Variants in TBC1D1 observed in about 807,000 individuals in gnomAD.
The protein encoded by TBC1D1 is TBC1 (tre-2/USP6, BUB2, cdc16) domain family, member 1.
TBC1D1 carries 89 observed loss-of-function variants against 125.6 expected under a neutral mutation model. The ratio of observed to expected loss-of-function variants is 0.71; its 90% CI spans 0.60 to 0.85. The LOEUF is 0.85. Ranked by LOEUF, TBC1D1 falls within the 40% of genes least tolerant of loss-of-function variation. TBC1D1 has a pLI of 0.00. For missense variants in TBC1D1, 1,377 were observed against 1,469.2 expected, an observed-to-expected ratio of 0.94 and a Z score of 1.03; for synonymous variants, 565 against 564.1, an observed-to-expected ratio of 1.00 and a Z score of -0.02.
chr4:37,932,571 A>G (rs756878095), intron 2 of TBC1D1, among the ~76,000 whole-genome samples: 46 of 152,186 alleles, frequency 3.0e-4, no homozygotes, highest in Non-Finnish European at 5.7e-4. Flanking sequence ...ATTTCTTCTG[A>G]ATTGTGTCAT....
Position 37,977,720 on chromosome 4 carries a change from G to A in TBC1D1, c.418-36789G>A, listed in dbSNP as rs985758364. Among the ~76,000 whole-genome samples, 2 of 152,134 alleles carry A rather than the reference G, an allele frequency of 1.3e-5. No homozygotes were observed. Among genetic ancestry groups the A allele is most frequent in the African/African-American group, 4.8e-5 (2 of 41,452 alleles). On this transcript the variant is annotated intron_variant, in intron 2 of 19. Coordinates refer to ENST00000261439, the MANE Select transcript of TBC1D1 (RefSeq NM_015173.4). The surrounding 1 kb of genome is among the most constrained non-coding windows in gnomAD (Gnocchi z 4.3). ...TTAGTCTCCCAGATCCCTGTGGGGAGGACGGGCGAGGTAGCGGCGCCCATT... is the reference window on the plus strand; with the variant it reads ...TTAGTCTCCCAGATCCCTGTGGGGAAGACGGGCGAGGTAGCGGCGCCCATT...
At chr4:38,048,556 T>C (rs1578422395) in intron 10 of TBC1D1, among the ~76,000 whole-genome samples, 1 of 150,964 alleles carries the variant, frequency 6.6e-6, no homozygotes, top group African/African-American at 2.4e-5. Flanking sequence ...TTTTTTTTTT[T>C]CAAATTAAAA....
intron 7 of TBC1D1, 122 bp downstream of exon 7, chr4:38,028,001 G>T (rs760694993): frequency 2.0e-4 from 128 of 639,606 alleles, no homozygotes; most frequent in Non-Finnish European, 2.6e-4. Context: ...CCTTGAGTTC[G>T]TCTTGGTTTC....
At chr4:38,005,553 C>A (rs1236354885) in intron 2 of TBC1D1, among the ~76,000 whole-genome samples, 1 of 152,204 alleles carries the variant, frequency 6.6e-6, no homozygotes, top group Non-Finnish European at 1.5e-5. Context: ...GTGCAGCCTC[C>A]TGGGGGATAT....
chr4:38,120,649 G>T (rs1416364558), intron 17 of TBC1D1, among the ~76,000 whole-genome samples: 1 of 152,168 alleles, frequency 6.6e-6, no homozygotes, highest in African/African-American at 2.4e-5. Context: ...TCCTTGGAGG[G>T]GCGGCTGCCA....
chr4:37,962,125 C>T (rs966639656), intron 2 of TBC1D1, among the ~76,000 whole-genome samples: 8 of 152,182 alleles, frequency 5.3e-5, no homozygotes, highest in Admixed American at 6.5e-5. Flanking sequence ...CAAGTACTTC[C>T]CCCATATCTT....
intron 15 of TBC1D1, among the ~76,000 whole-genome samples, chr4:38,104,765 T>A (rs1236584831): frequency 6.6e-6 from 1 of 151,670 alleles, no homozygotes; most frequent in South Asian, 2.1e-4. Context: ...TTTTTTAATT[T>A]TTTTTTTTGA....
At chr4:38,093,066 G>A (rs542885172) in intron 13 of TBC1D1, among the ~76,000 whole-genome samples, 4 of 152,230 alleles carry the variant, frequency 2.6e-5, no homozygotes, top group South Asian at 2.1e-4. Flanking sequence ...ATAAGAAAGC[G>A]ACATTGAGCA....
At chr4:38,012,565 A>G (rs1180042020) in intron 2 of TBC1D1, among the ~76,000 whole-genome samples, 2 of 151,952 alleles carry the variant, frequency 1.3e-5, no homozygotes, top group Non-Finnish European at 2.9e-5. Flanking sequence ...GTGCACTAAC[A>G]TGCCCAGTCT....
intron 14 of TBC1D1, among the ~76,000 whole-genome samples, chr4:38,102,388 C>G (rs1760514396): frequency 6.6e-6 from 1 of 151,962 alleles, no homozygotes; most frequent in East Asian, 1.9e-4. Flanking sequence ...TTAATTGGCA[C>G]CAGGTTGGAG....
Position 38,138,026 on chromosome 4 carries a change from T to C in TBC1D1, c.*691T>C, listed in dbSNP as rs1766914428. 6.6e-6 allele frequency: 1 copy of C among 152,568 alleles called. No homozygotes were observed. The highest frequency in any genetic ancestry group is 1.5e-5 in the Non-Finnish European group (1 of 68,036). The allele number at this position is 152,568 out of a possible 1,614,324, so 9.5% of individuals were successfully genotyped here. A position where few individuals can be genotyped will look rare whatever the true frequency, so the allele number is the denominator to read the frequency against. The stretch of plus-strand genomic sequence containing the variant: ...GAATGTTTAAGATCACTTTATTGAA[T>C]TTGAAGATCATCAAATTAAATAAAA... On this transcript the variant is annotated 3_prime_UTR_variant, in exon 20 of 20. Coordinates refer to ENST00000261439, the MANE Select transcript of TBC1D1 (RefSeq NM_015173.4).
intron 2 of TBC1D1, among the ~76,000 whole-genome samples, chr4:37,932,152 C>T (rs1723394736): frequency 6.6e-6 from 1 of 152,286 alleles, no homozygotes; most frequent in East Asian, 1.9e-4. Flanking sequence ...ACCTAACTCC[C>T]AGTCATTTCT....
At chr4:37,991,235 G>C (rs79752824) in intron 2 of TBC1D1, among the ~76,000 whole-genome samples, 6,940 of 151,292 alleles carry the variant, frequency 0.046, 233 homozygotes, top group African/African-American at 0.09. Context: ...AAGTAGAACT[G>C]ACTATACACT....
At chr4:38,114,063 A>C (rs973073780) in intron 15 of TBC1D1, among the ~76,000 whole-genome samples, 1 of 148,696 alleles carries the variant, frequency 6.7e-6, no homozygotes, top group Non-Finnish European at 1.5e-5. Flanking sequence ...ACACACACAC[A>C]CCTGCACACA....
chr4:37,947,869 A>C (rs1219904432), intron 2 of TBC1D1, among the ~76,000 whole-genome samples: 1 of 152,178 alleles, frequency 6.6e-6, no homozygotes, highest in Non-Finnish European at 1.5e-5. Context: ...TCAAAACACA[A>C]GTGGACAGTT....
chr4:38,077,973 G>A lies in TBC1D1; in HGVS notation c.2051-11959G>A, dbSNP rs190905879. ...AAGGAAGAAGTCTGGGTGAGGAAGC[G>A]GGATGAAAGCAGACCAGACGCTAGA... On this transcript the variant is annotated intron_variant, in intron 12 of 19. Transcript: ENST00000261439. Among the ~76,000 whole-genome samples, 883 of 152,208 alleles carry A rather than the reference G, an allele frequency of 5.8e-3. 25 individuals are homozygous for A. Among genetic ancestry groups the A allele is most frequent in the Non-Finnish European group, 3.4e-3 (230 of 68,002 alleles).
chr4:38,028,431 T>C (rs190259263), intron 7 of TBC1D1, among the ~76,000 whole-genome samples: 5 of 152,382 alleles, frequency 3.3e-5, no homozygotes, highest in African/African-American at 1.2e-4. Context: ...CCCAAAGTGC[T>C]GGGATTACAG....
chr4:38,006,018 G>A (rs1468813303), intron 2 of TBC1D1, among the ~76,000 whole-genome samples: 1 of 152,200 alleles, frequency 6.6e-6, no homozygotes, highest in Non-Finnish European at 1.5e-5. Flanking sequence ...TATTGTATGT[G>A]ATTACAGCCC....
intron 8 of TBC1D1, among the ~76,000 whole-genome samples, chr4:38,038,797 T>C (rs1464538134): frequency 6.6e-6 from 1 of 151,806 alleles, no homozygotes; most frequent in Non-Finnish European, 1.5e-5. Context: ...AATACAAAAA[T>C]TAGTCAGGTG....
Sources: gnomAD v4.1 joint callset for allele counts (sites outside exome capture counted in the v4.1 genomes callset) on GRCh38, gnomAD v4.1.1 for gene constraint, Gnocchi (gnomAD v3.1) non-coding constraint, MANE v1.5 for transcripts, NCBI Gene and HGNC (gene_info 2026-07-23, HGNC 2026-07-21) for gene names.